The following NR6A1 variants were observed in gnomAD, a reference collection of about 807,000 sequenced individuals.
The protein encoded by NR6A1 is nuclear receptor subfamily 6 group A member 1.
In NR6A1, 7 loss-of-function variants were observed where a neutral mutation model predicts 59.1. The observed-to-expected ratio is 0.12, with a 90% confidence interval of 0.07 to 0.22. The LOEUF (loss-of-function observed/expected upper bound fraction) is 0.22, where lower values mean the gene tolerates loss of function less well. Among genes scored for constraint, NR6A1 ranks in the 10% least tolerant of loss-of-function variants. The probability of loss-of-function intolerance (pLI) is 1.00; values close to 1 mark genes in which losing one functional copy is unlikely to be tolerated. For missense variants in NR6A1, 468 were observed against 611.6 expected, an observed-to-expected ratio of 0.77 and a Z score of 2.48; for synonymous variants, 243 against 236.1, an observed-to-expected ratio of 1.03 and a Z score of -0.27.
chr9:124,557,178 G>C (rs1366072450), intron 2 of NR6A1, among the ~76,000 whole-genome samples: 1 of 152,062 alleles, frequency 6.6e-6, no homozygotes, highest in Non-Finnish European at 1.5e-5. Context: ...GCCCAGGCTG[G>C]AGTGCAGTAG....
At chr9:124,645,953 C>T (rs566010112) in intron 2 of NR6A1, among the ~76,000 whole-genome samples, 1 of 152,138 alleles carries the variant, frequency 6.6e-6, no homozygotes, top group Non-Finnish European at 1.5e-5. Context: ...ATTAAACTAG[C>T]ATAACAGAAA....
intron 2 of NR6A1, among the ~76,000 whole-genome samples, chr9:124,566,979 G>C (rs1024113251): frequency 2.0e-4 from 30 of 151,130 alleles, no homozygotes; most frequent in Admixed American, 1.2e-3. Context: ...GTAGTGGCGG[G>C]CGCCTGTAGT....
intron 2 of NR6A1, among the ~76,000 whole-genome samples, chr9:124,638,485 G>T (rs10986388): frequency 0.13 from 20,193 of 152,072 alleles, 3,639 homozygotes; most frequent in African/African-American, 0.4. Context: ...GGTAGACAGA[G>T]TTCCCAAAGC....
chr9:124,595,285 T>C (rs1835238327), intron 2 of NR6A1, among the ~76,000 whole-genome samples: 1 of 152,214 alleles, frequency 6.6e-6, no homozygotes, highest in Non-Finnish European at 1.5e-5. Context: ...AGAAGCTCCC[T>C]ACCAGAGGAT....
intron 1 of NR6A1, among the ~76,000 whole-genome samples, chr9:124,750,255 T>G (rs1239701224): frequency 6.6e-6 from 1 of 152,218 alleles, no homozygotes; most frequent in Non-Finnish European, 1.5e-5. Context: ...TAAAAGGCAT[T>G]AAGGATCAAA....
rs765626012 is a variant in NR6A1 at position 124,538,200 on chromosome 9, A to C, written c.716T>G (p.Leu239Arg). Reference protein sequence around the residue: ...LFSYSGHSPLLPQQARSLDPQ... With the variant: ...LFSYSGHSPLRPQQARSLDPQ... The stretch of plus-strand genomic sequence containing the variant: ...ATCCAGGCTGCGAGCTTGTTGGGGC[A>C]GAAGTGGTGAGTGGCCAGAATAGCT... Residue 239 changes from leucine (L) to arginine (R), a missense_variant, in exon 6 of 10, where the codon CTG becomes CGG. Physicochemically the swap from Leu to Arg is moderately radical, Grantham distance 102. Around this residue, in one of 4 missense-constraint regions of NR6A1, gnomAD observed 151 missense variants for 142.8 expected, o/e 1.06. Transcript: ENST00000487099. 1.2e-5 allele frequency: 19 copies of C among 1,614,106 alleles called. No homozygotes were observed. In the African/African-American group the frequency reaches 2.4e-4, roughly 20 times the overall value.
At chr9:124,735,498 C>T (rs1278563688) in intron 1 of NR6A1, among the ~76,000 whole-genome samples, 3 of 152,144 alleles carry the variant, frequency 2.0e-5, no homozygotes, top group African/African-American at 7.2e-5. Flanking sequence ...AACACACAAC[C>T]CTGCCTCTAG....
intron 2 of NR6A1, among the ~76,000 whole-genome samples, chr9:124,643,936 C>G (rs1443462297): frequency 6.6e-6 from 1 of 152,168 alleles, no homozygotes; most frequent in East Asian, 1.9e-4. Context: ...GAGTCTCACT[C>G]TGTCACCAGG....
At chr9:124,601,381 G>A (rs1056025370) in intron 2 of NR6A1, among the ~76,000 whole-genome samples, 6 of 150,646 alleles carry the variant, frequency 4.0e-5, no homozygotes, top group African/African-American at 1.2e-4. Context: ...TCAGGAGATC[G>A]AGACCATCCT....
chr9:124,556,194 C>T (rs2131390236), intron 2 of NR6A1, among the ~76,000 whole-genome samples: 1 of 152,284 alleles, frequency 6.6e-6, no homozygotes, highest in East Asian at 1.9e-4. Flanking sequence ...GGGGGTTATT[C>T]TGAATTATAT....
chr9:124,733,378 T>C, intron 1 of NR6A1, 29 bp from the exon 2 acceptor site: 1 of 1,582,722 alleles, frequency 6.3e-7, no homozygotes, highest in Non-Finnish European at 8.7e-7. Context: ...GAAAAAAAAT[T>C]ACAATTTGTG....
At chr9:124,611,808 G>A (rs1835759737) in intron 2 of NR6A1, among the ~76,000 whole-genome samples, 1 of 79,912 alleles carries the variant, frequency 1.3e-5, no homozygotes, top group African/African-American at 5.3e-5. Flanking sequence ...AGAGAATTCA[G>A]CATTCAGAGC....
At chr9:124,745,034 T>C (rs1184409097) in intron 1 of NR6A1, among the ~76,000 whole-genome samples, 3 of 152,228 alleles carry the variant, frequency 2.0e-5, no homozygotes, top group African/African-American at 7.2e-5. Flanking sequence ...CTTAGGAATC[T>C]ATCCTAAGAA....
intron 1 of NR6A1, among the ~76,000 whole-genome samples, chr9:124,764,193 A>G (rs1840862787): frequency 6.6e-6 from 1 of 152,060 alleles, no homozygotes; most frequent in Non-Finnish European, 1.5e-5. Flanking sequence ...CAAAAAAAAA[A>G]AAAAGAAAAG....
rs553177490 is a variant in NR6A1 at position 124,633,190 on chromosome 9, G to A, written c.143-78620C>T. ...GAGGCCAAGGCGAGCGGATCACCAGGTCAGGAGATCGAGACCATCCTGGCT... is the reference window on the plus strand; with the variant it reads ...GAGGCCAAGGCGAGCGGATCACCAGATCAGGAGATCGAGACCATCCTGGCT... On this transcript the variant is annotated intron_variant, in intron 2 of 9. Transcript: ENST00000487099. Among the ~76,000 whole-genome samples, 81 of 152,120 alleles carry A rather than the reference G, an allele frequency of 5.3e-4. No homozygotes were observed. The South Asian group carries it at 0.016, about 30-fold the overall frequency.
At position 124,563,576 on chromosome 9, in the gene NR6A1, A is replaced by G. The variant is rs193141384; in HGVS notation, c.143-9006T>C. Among the ~76,000 whole-genome samples the G allele has an allele frequency of 3.6e-4, 55 of 152,332 alleles. 1 individual carries two copies. In the East Asian group the frequency reaches 8.1e-3, roughly 22 times the overall value. ...AGTACAAGATGCTAAGAACATGTAC[A>G]TGGTGCTTACTATGTACCAAGTTCT... is the stretch of plus-strand genomic sequence containing the variant. On this transcript the variant is annotated intron_variant, in intron 2 of 9. Coordinates refer to ENST00000487099, the MANE Select transcript of NR6A1 (RefSeq NM_033334.4).
intron 1 of NR6A1, among the ~76,000 whole-genome samples, chr9:124,742,258 A>G (rs1840190883): frequency 6.6e-6 from 1 of 152,216 alleles, no homozygotes; most frequent in African/African-American, 2.4e-5. Context: ...CAAAAGCACA[A>G]GGAGTTTTAA....
intron 2 of NR6A1, among the ~76,000 whole-genome samples, chr9:124,574,453 T>G (rs1285153258): frequency 6.6e-6 from 1 of 152,230 alleles, no homozygotes; most frequent in Non-Finnish European, 1.5e-5. Context: ...ACTGCATTTT[T>G]ACAGTAACTT....
At chr9:124,751,596 A>C (rs1840499822) in intron 1 of NR6A1, among the ~76,000 whole-genome samples, 1 of 152,192 alleles carries the variant, frequency 6.6e-6, no homozygotes, top group Non-Finnish European at 1.5e-5. Flanking sequence ...GTATCAGAAA[A>C]ATTTTACTAA....
Sources: allele counts gnomAD v4.1 joint callset (sites outside exome capture counted in the v4.1 genomes callset), GRCh38; gene constraint gnomAD v4.1.1; regional missense constraint gnomAD v4.1.1; transcripts MANE v1.5; gene names NCBI Gene and HGNC (gene_info 2026-07-23, HGNC 2026-07-21).